PRICKLE2: variants seen among roughly 807,000 people sequenced by gnomAD.
PRICKLE2 encodes the protein prickle-like protein 2.
In PRICKLE2, 21 loss-of-function variants were observed where a neutral mutation model predicts 81.4. That is an observed-to-expected ratio of 0.26 (90% CI 0.18 to 0.37). PRICKLE2 has a LOEUF of 0.37. PRICKLE2 is among the 10% of genes least tolerant of loss of function. The probability of loss-of-function intolerance (pLI) is 1.00; values close to 1 mark genes in which losing one functional copy is unlikely to be tolerated. For synonymous variants in PRICKLE2, 456 were observed against 421.5 expected (o/e 1.08, Z -1.00); for missense variants, 940 against 1,109.0 (o/e 0.85, Z 2.16).
chr3:64,160,227 TTAAGGTGAGTCTCTAC>T (rs1029699818), intron 3 of PRICKLE2, 150 bp from the exon 4 acceptor site: 92 of 825,738 alleles, frequency 1.1e-4, no homozygotes, highest in African/African-American at 2.5e-4. Context: ...TTGGAGAGAT[TTAAGGTGAGTCTCTAC>T]TAAGGTGAGT....
At chr3:64,188,202 G>T (rs769786403) in intron 2 of PRICKLE2, among the ~76,000 whole-genome samples, 17 of 152,150 alleles carry the variant, frequency 1.1e-4, no homozygotes, top group African/African-American at 4.1e-4. Flanking sequence ...TTTGTCCTAG[G>T]ATCCTTACAA....
In PRICKLE2 at chr3:64,093,675, C is replaced by T. The variant is rs1477623162; in HGVS notation, c.*5376G>A. Reference sequence around the variant, plus strand: ...AATGCACAGGACAGCCCTCTGCAACCGAGAATTAACTAGCACAAGACGTCA... The same window carrying T: ...AATGCACAGGACAGCCCTCTGCAACTGAGAATTAACTAGCACAAGACGTCA... On this transcript the variant is annotated 3_prime_UTR_variant, in exon 8 of 8. Coordinates refer to ENST00000638394, the MANE Select transcript of PRICKLE2 (RefSeq NM_198859.4). 2 of 152,048 alleles carry T rather than the reference C, an allele frequency of 1.3e-5. No homozygotes were observed. Among genetic ancestry groups the T allele is most frequent in the Non-Finnish European group, 1.5e-5 (1 of 68,026 alleles). 9.4% of individuals were successfully genotyped at this position (152,048 alleles called of 1,614,324 possible).
intron 2 of PRICKLE2, among the ~76,000 whole-genome samples, chr3:64,191,763 G>A (rs2078344690): frequency 6.6e-6 from 1 of 152,338 alleles, no homozygotes; most frequent in East Asian, 1.9e-4. Context: ...TCAGAAAGTA[G>A]TGGAGTAGTA....
In PRICKLE2 at chr3:64,134,746, C is replaced by A. The variant is rs924571250; in HGVS notation, c.1660+12084G>T. Among the ~76,000 whole-genome samples, 5 of 152,126 alleles carry A rather than the reference C, an allele frequency of 3.3e-5. No homozygotes were observed. The East Asian group carries it at 9.6e-4, about 29-fold the overall frequency. Reference sequence around the variant, plus strand: ...GTAGTGTTTGTGTATGAGTGTGTACCTTAGGCAAAGGGAATTTCCTCCTTC... The same window carrying A: ...GTAGTGTTTGTGTATGAGTGTGTACATTAGGCAAAGGGAATTTCCTCCTTC... On this transcript the variant is annotated intron_variant, in intron 7 of 7. Coordinates refer to ENST00000638394, the MANE Select transcript of PRICKLE2 (RefSeq NM_198859.4).
At chr3:64,232,934 G>T (rs946213162) in intron 2 of PRICKLE2, among the ~76,000 whole-genome samples, 4 of 152,194 alleles carry the variant, frequency 2.6e-5, no homozygotes, top group Admixed American at 2.6e-4. Flanking sequence ...GGCCAAATCT[G>T]GTTTGCTTCA....
At chr3:64,204,207 G>A (rs1042756083) in intron 1 of PRICKLE2, among the ~76,000 whole-genome samples, 6 of 152,156 alleles carry the variant, frequency 3.9e-5, no homozygotes, top group African/African-American at 1.4e-4. Context: ...GGCAGCAAGT[G>A]CTACTGAAAA....
rs1430372637 is a variant in PRICKLE2 at position 64,099,854 on chromosome 3, C to T, written c.1732G>A (p.Asp578Asn). Reference sequence around the variant, plus strand: ...TTCTCAGACACATTCATTCCAGAGTCTTTGCTGAGGTCAGGCATGGAAAAT... The same window carrying T: ...TTCTCAGACACATTCATTCCAGAGTTTTTGCTGAGGTCAGGCATGGAAAAT... The part of the protein sequence containing the change: ...SRFSMPDLSK[D>N]SGMNVSEKLS... The change falls in exon 8 of 8, where the codon GAC becomes AAC. Residue 578 changes from aspartate to asparagine, a missense_variant. Transcript: ENST00000638394. This position sits in a 1 kb window ranked among gnomAD's most constrained non-coding sequence, Gnocchi z 4.3. 6.2e-7 allele frequency: 1 copy of T among 1,614,188 alleles called. No homozygotes were observed. Among genetic ancestry groups the T allele is most frequent in the Non-Finnish European group, 8.5e-7 (1 of 1,180,028 alleles).
chr3:64,230,698 C>A (rs767190931), intron 2 of PRICKLE2, among the ~76,000 whole-genome samples: 8 of 152,190 alleles, frequency 5.3e-5, no homozygotes, highest in Non-Finnish European at 1.0e-4. Flanking sequence ...TACCTCCTAG[C>A]AGCATGACCT....
At chr3:64,170,599 C>A (rs992477882) in intron 2 of PRICKLE2, among the ~76,000 whole-genome samples, 1 of 151,922 alleles carries the variant, frequency 6.6e-6, no homozygotes, top group African/African-American at 2.4e-5. Flanking sequence ...GTAGCTCATA[C>A]CTGCAATCCC....
intron 2 of PRICKLE2, among the ~76,000 whole-genome samples, chr3:64,191,783 G>A (rs1449470478): frequency 6.6e-6 from 1 of 152,198 alleles, no homozygotes; most frequent in Admixed American, 6.5e-5. Flanking sequence ...AGAGAGATTT[G>A]CCTGATTCCG....
At chr3:64,217,812 C>T (rs1308751516) in intron 1 of PRICKLE2, among the ~76,000 whole-genome samples, 2 of 152,116 alleles carry the variant, frequency 1.3e-5, no homozygotes, top group African/African-American at 2.4e-5. Flanking sequence ...ACAGGTGCCA[C>T]ATATTTGACA....
rs753970642 is a variant in PRICKLE2, at chr3:64,153,332, G to T, written c.637C>A (p.Arg213=). The change falls in exon 6 of 8, where the codon CGA becomes AGA. Residue 213 remains arginine, a synonymous_variant. Transcript: ENST00000638394. ...FADECTEAEG[R]HWHMKHFCCF... ...CAAAAGTGTTTCATGTGCCAGTGTC[G>T]CCCCTCAGCTTCTGTGCATTCATCT... 6.2e-6 allele frequency: 10 copies of T among 1,613,932 alleles called. No individual in the cohort carries two copies. The Admixed American group carries it at 1.3e-4, about 22-fold the overall frequency.
At chr3:64,218,786 T>A (rs1224025071) in intron 1 of PRICKLE2, among the ~76,000 whole-genome samples, 1 of 152,218 alleles carries the variant, frequency 6.6e-6, no homozygotes, top group Non-Finnish European at 1.5e-5. Flanking sequence ...TTTTCTTTCC[T>A]CTATGCCTAT....
chr3:64,249,816 T>C (rs557816295), intron 2 of PRICKLE2, among the ~76,000 whole-genome samples: 43 of 152,342 alleles, frequency 2.8e-4, no homozygotes, highest in Admixed American at 6.5e-5. Context: ...AGACTCTCTT[T>C]TGTGAAATAA....
chr3:64,153,475 C>T (rs751929219), intron 5 of PRICKLE2, 107 bp from the exon 6 acceptor site: 1 of 1,038,240 alleles, frequency 9.6e-7, no homozygotes, highest in Admixed American at 1.9e-5. Context: ...AAAGCAGATC[C>T]TACTCACAAA....
chr3:64,147,570 G>A lies in PRICKLE2; in HGVS notation c.920C>T (p.Ser307Leu). The change falls in exon 7 of 8, where the codon TCA becomes TTA. Residue 307 changes from serine to leucine, a missense_variant. Ser to Leu is a moderately radical substitution (Grantham distance 145, BLOSUM62 -2). Transcript: ENST00000638394. The surrounding 1 kb of genome is among the most constrained non-coding windows in gnomAD (Gnocchi z 5.0). ...GTCTTCCCCAGCACTGCAGGCCCGT[G>A]AGCAGAATATCTGGCCCTGCTTCGG... ...FLPKQGQIFC[S>L]RACSAGEDPN... The A allele has an allele frequency of 6.2e-7, 1 of 1,614,246 alleles. No homozygotes were observed. The highest frequency in any genetic ancestry group is 1.1e-5 in the South Asian group (1 of 91,088).
At chr3:64,149,736 A>T (rs1290337099) in intron 6 of PRICKLE2, among the ~76,000 whole-genome samples, 1 of 152,192 alleles carries the variant, frequency 6.6e-6, no homozygotes, top group Non-Finnish European at 1.5e-5. Flanking sequence ...CGGCCCAAGC[A>T]GCCTACCTTT....
At chr3:64,219,721 T>C (rs1385487927) in intron 1 of PRICKLE2, among the ~76,000 whole-genome samples, 7 of 152,204 alleles carry the variant, frequency 4.6e-5, no homozygotes, top group Non-Finnish European at 4.4e-5. Context: ...AAAGGAGCTA[T>C]ATAAGAGAAA....
At chr3:64,169,819 C>T (rs927073540) in intron 2 of PRICKLE2, among the ~76,000 whole-genome samples, 4 of 152,102 alleles carry the variant, frequency 2.6e-5, no homozygotes, top group Non-Finnish European at 2.9e-5. Flanking sequence ...TACCTCAATT[C>T]GGGGAGGTAA....
Sources: allele counts gnomAD v4.1 joint callset (sites outside exome capture counted in the v4.1 genomes callset), GRCh38; gene constraint gnomAD v4.1.1; non-coding constraint Gnocchi (gnomAD v3.1); transcripts MANE v1.5; gene names NCBI Gene and HGNC (gene_info 2026-07-23, HGNC 2026-07-21).